The following IQGAP1 variants were observed in gnomAD, a reference collection of about 807,000 sequenced individuals.
IQGAP1 encodes ras GTPase-activating-like protein IQGAP1.
A neutral mutation model predicts 215.6 loss-of-function variants in IQGAP1; 66 were observed. That is an observed-to-expected ratio of 0.31 (90% confidence interval 0.25 to 0.38). IQGAP1 has a LOEUF of 0.38. IQGAP1 is among the 10% of genes least tolerant of loss of function. The probability of loss-of-function intolerance (pLI) is 1.00; values close to 1 mark genes in which losing one functional copy is unlikely to be tolerated. For missense variants in IQGAP1, 1,712 were observed against 1,997.1 expected (o/e 0.86, Z 2.72); for synonymous variants, 772 against 728.7 (o/e 1.06, Z -0.96).
chr15:90,421,146 T>G (rs575429139), intron 2 of IQGAP1, among the ~76,000 whole-genome samples: 1 of 144,740 alleles, frequency 6.9e-6, no homozygotes, highest in Non-Finnish European at 1.5e-5. Flanking sequence ...CAAAGAAAAA[T>G]TTTTTTTAAT....
Position 90,477,210 on chromosome 15 carries a change from A to C in IQGAP1, c.3084A>C (p.Thr1028=). ...ACCTGCTCCTGCGGCTCTTTAAGACAGCACTCCAAGAGGAAATCAAGTATG... is the reference window on the plus strand; with the variant it reads ...ACCTGCTCCTGCGGCTCTTTAAGACCGCACTCCAAGAGGAAATCAAGTATG... The part of the protein sequence containing the change: ...EEYLLLRLFK[T]ALQEEIKSKV... Residue 1028 remains threonine, a synonymous_variant, in exon 25 of 38, where the codon ACA becomes ACC. Coordinates refer to ENST00000268182, the MANE Select transcript of IQGAP1 (RefSeq NM_003870.4). 6.2e-7 allele frequency: 1 copy of C among 1,614,084 alleles called. No homozygotes were observed. Among genetic ancestry groups the C allele is most frequent in the Non-Finnish European group, 8.5e-7 (1 of 1,179,992 alleles).
At chr15:90,418,761 C>T (rs1014160974) in intron 2 of IQGAP1, among the ~76,000 whole-genome samples, 2 of 152,024 alleles carry the variant, frequency 1.3e-5, no homozygotes, top group African/African-American at 4.8e-5. Context: ...CTTCAGGAAG[C>T]CCAATTTCAG....
chr15:90,436,971 G>GT (rs1965378828), intron 5 of IQGAP1, among the ~76,000 whole-genome samples: 1 of 152,214 alleles, frequency 6.6e-6, no homozygotes, highest in Non-Finnish European at 1.5e-5. Flanking sequence ...GAAAGCAACT[G>GT]TATTAGTCCG....
At chr15:90,494,256 T>G (rs1460339979) in intron 35 of IQGAP1, 3 of 152,296 alleles carry the variant, frequency 2.0e-5, no homozygotes, top group African/African-American at 4.8e-5. Context: ...TTTTCCTTAT[T>G]TTCATTCATC....
At chr15:90,390,693 G>A (rs1004089170) in intron 1 of IQGAP1, 81 bp from the exon 2 acceptor site, 49 of 942,524 alleles carry the variant, frequency 5.2e-5, no homozygotes, top group Non-Finnish European at 7.7e-5. Flanking sequence ...GTGAGTGGCA[G>A]GAAATTGATT....
chr15:90,452,891 G>C lies in IQGAP1; in HGVS notation c.1279G>C (p.Asp427His). The change falls in exon 12 of 38, where the codon GAT (aspartate) becomes CAT (histidine). Residue 427 changes from aspartate to histidine, a missense_variant. Asp to His is a moderately conservative substitution (Grantham distance 81). This residue lies in a region of IQGAP1 where 1,021 missense variants were observed against 1,074.2 expected (regional missense o/e 0.95). Transcript: ENST00000268182. The part of the protein sequence containing the change: ...QLPQVYPFAA[D>H]LYQKELATLQ... ...GCCCCAGGTGTATCCATTTGCCGCC[G>C]ATCTCTATCAGAAGGAGCTGGCTAC... 1.2e-6 allele frequency: 2 copies of C among 1,614,074 alleles called. No homozygotes were observed. The highest frequency in any genetic ancestry group is 1.7e-6 in the Non-Finnish European group (2 of 1,179,998).
intron 4 of IQGAP1, among the ~76,000 whole-genome samples, chr15:90,432,635 T>C (rs1436553160): frequency 2.6e-5 from 4 of 152,218 alleles, no homozygotes; most frequent in Admixed American, 6.5e-5. Flanking sequence ...TATATTGCCT[T>C]ACTGTCTCAC....
chr15:90,412,168 C>T (rs1482154439), intron 2 of IQGAP1, among the ~76,000 whole-genome samples: 1 of 152,170 alleles, frequency 6.6e-6, no homozygotes, highest in African/African-American at 2.4e-5. Flanking sequence ...TAAATACACA[C>T]AGAAGTTAAA....
chr15:90,388,792 C>T (rs950396373), intron 1 of IQGAP1, among the ~76,000 whole-genome samples: 7 of 152,142 alleles, frequency 4.6e-5, no homozygotes, highest in Admixed American at 6.5e-5. Flanking sequence ...AAGGCGCTGC[C>T]CTAGTGTTGC....
At chr15:90,422,650 ATATATATATG>A (rs1965160541) in intron 2 of IQGAP1, among the ~76,000 whole-genome samples, 2 of 72,872 alleles carry the variant, frequency 2.7e-5, no homozygotes, top group Admixed American at 1.7e-4. Context: ...GTATATGTAT[ATATATATATG>A]TATATATATA....
In IQGAP1 at chr15:90,448,669, G is replaced by A. The variant is rs768035842; in HGVS notation, c.1010G>A (p.Gly337Glu). The A allele has an allele frequency of 6.2e-7, 1 of 1,612,112 alleles. No individual in the cohort carries two copies. The highest frequency in any genetic ancestry group is 1.7e-5 in the Admixed American group (1 of 59,676). Residue 337 changes from glycine (G) to glutamate (E), a missense_variant, in exon 10 of 38, where the codon GGA becomes GAA. Transcript: ENST00000268182. ...CAGTCACCAGCCCTGGGGCTTCGAG[G>A]ACTGCAGCAACAGAATAGCGACTGG... Reference protein sequence around the residue: ...ALQSPALGLRGLQQQNSDWYL... With the variant: ...ALQSPALGLRELQQQNSDWYL...
intron 2 of IQGAP1, among the ~76,000 whole-genome samples, chr15:90,407,719 AT>A (rs376600186): frequency 2.0e-5 from 3 of 152,200 alleles, no homozygotes; most frequent in African/African-American, 7.2e-5. Context: ...TCCATTGCTC[AT>A]TTTTTCTAAC....
chr15:90,473,054 G>A (rs758409750), intron 19 of IQGAP1, 44 bp downstream of exon 19: 2 of 1,578,008 alleles, frequency 1.3e-6, no homozygotes, highest in Admixed American at 1.7e-5. Flanking sequence ...GGCATCTAGA[G>A]CAGGGGTAAT....
chr15:90,423,165 C>T (rs1489279756), intron 2 of IQGAP1, among the ~76,000 whole-genome samples: 2 of 152,104 alleles, frequency 1.3e-5, no homozygotes, highest in Non-Finnish European at 2.9e-5. Context: ...TCTTGGAATT[C>T]GAGTAGAATC....
intron 37 of IQGAP1, 59 bp downstream of exon 37, chr15:90,497,399 A>C (rs1402292057): frequency 5.9e-6 from 5 of 844,616 alleles, no homozygotes; most frequent in African/African-American, 1.7e-5. Context: ...TCCAAGTAGG[A>C]GAAATAGATA....
intron 2 of IQGAP1, among the ~76,000 whole-genome samples, chr15:90,407,489 T>A (rs1964895958): frequency 6.6e-6 from 1 of 152,196 alleles, no homozygotes; most frequent in Non-Finnish European, 1.5e-5. Context: ...ATCTGCTTAA[T>A]AGGAGGATAG....
At position 90,500,941 on chromosome 15, in the gene IQGAP1, T is replaced by G. The variant is rs969151092; in HGVS notation, c.*833T>G. 1 of 152,764 alleles carries G rather than the reference T, an allele frequency of 6.5e-6. No individual in the cohort carries two copies. The highest frequency in any genetic ancestry group is 1.9e-4 in the East Asian group (1 of 5,192). 9.5% of individuals were successfully genotyped at this position (152,764 alleles called of 1,614,324 possible). ...TGGCAGAGGAATGGGTTAGCCCTAA[T>G]GTAGAATGTCATTGTTTTTAAAACT... On this transcript the variant is annotated 3_prime_UTR_variant, in exon 38 of 38. Transcript: ENST00000268182.
Position 90,440,483 on chromosome 15 carries a change from T to C in IQGAP1, c.536-19T>C. 2 of 1,513,158 alleles carry C rather than the reference T, an allele frequency of 1.3e-6. No individual in the cohort carries two copies. Among genetic ancestry groups the C allele is most frequent in the Non-Finnish European group, 1.8e-6 (2 of 1,110,166 alleles). 93.7% of individuals were successfully genotyped at this position (1,513,158 alleles called of 1,614,324 possible). A position where few individuals can be genotyped will look rare whatever the true frequency, so the allele number is the denominator to read the frequency against. On this transcript the variant is annotated intron_variant, in intron 6 of 37. Transcript: ENST00000268182. ...AGGGTGCTTAGCTTGATTGACTGAT[T>C]ATTAATTCCCTCCTGTAGAAGAAGA...
At chr15:90,467,772 T>A (rs1965851924) in intron 18 of IQGAP1, among the ~76,000 whole-genome samples, 180 bp downstream of exon 18, 1 of 152,212 alleles carries the variant, frequency 6.6e-6, no homozygotes. Flanking sequence ...CCTGAATTTG[T>A]AAAACATCTG....
Sources: gnomAD v4.1 joint callset for allele counts (sites outside exome capture counted in the v4.1 genomes callset) on GRCh38, gnomAD v4.1.1 for gene constraint, gnomAD v4.1.1 regional missense constraint, MANE v1.5 for transcripts, NCBI Gene and HGNC (gene_info 2026-07-23, HGNC 2026-07-21) for gene names.